The following CAMSAP1 variants were observed in gnomAD, a reference collection of about 807,000 sequenced individuals.
The protein encoded by CAMSAP1 is calmodulin-regulated spectrin-associated protein 1.
In CAMSAP1, 58 loss-of-function variants were observed where a neutral mutation model predicts 143.5. The observed-to-expected ratio is 0.40, with a 90% CI of 0.33 to 0.50. The LOEUF is 0.50. Among genes scored for constraint, CAMSAP1 ranks in the 20% least tolerant of loss-of-function variants. The pLI, the probability that CAMSAP1 is intolerant of heterozygous loss-of-function variation, is 0.45. For missense variants in CAMSAP1, 1,969 were observed against 2,115.7 expected (o/e 0.93, Z 1.36); for synonymous variants, 945 against 859.3 (o/e 1.10, Z -1.74).
intron 3 of CAMSAP1, among the ~76,000 whole-genome samples, chr9:135,868,603 T>C (rs533370763): frequency 1.3e-5 from 2 of 149,024 alleles, no homozygotes; most frequent in South Asian, 4.3e-4. Context: ...TCTGATGAGA[T>C]TGGCAATTTT....
In CAMSAP1 at chr9:135,874,488, G is replaced by GT. The variant is rs912002527; in HGVS notation, c.585+7144_585+7145insA. On this transcript the variant is annotated intron_variant, in intron 3 of 16. Coordinates refer to ENST00000389532, the MANE Select transcript of CAMSAP1 (RefSeq NM_015447.4). Reference sequence around the variant, plus strand: ...ACCCTGTCTCAAAAAAGGGGGGGGGGGGCCACAGGGGCCGGGAACTCCTAA... The same window carrying GT: ...ACCCTGTCTCAAAAAAGGGGGGGGGGTGGCCACAGGGGCCGGGAACTCCTAA... 1.4e-5 allele frequency among the ~76,000 whole-genome samples: 2 copies of GT among 147,154 alleles called. 1 individual carries two copies. The highest frequency in any genetic ancestry group is 5.0e-5 in the African/African-American group (2 of 39,766).
At position 135,820,809 on chromosome 9, in the gene CAMSAP1, T is replaced by C; in HGVS notation, c.3822+30A>G. 1 of 1,604,208 alleles carries C rather than the reference T, an allele frequency of 6.2e-7. No individual in the cohort carries two copies. The highest frequency in any genetic ancestry group is 8.5e-7 in the Non-Finnish European group (1 of 1,176,380). On this transcript the variant is annotated intron_variant, in intron 11 of 16. Coordinates refer to ENST00000389532, the MANE Select transcript of CAMSAP1 (RefSeq NM_015447.4). This position sits in a 1 kb window ranked among gnomAD's most constrained non-coding sequence, Gnocchi z 4.4. ...ACGTGGGGTGGCAACACATCACGAG[T>C]GCCTGAAACAGATGCTACCAATCCC...
intron 5 of CAMSAP1, among the ~76,000 whole-genome samples, chr9:135,854,995 C>A (rs1441270225): frequency 1.3e-5 from 2 of 151,842 alleles, no homozygotes. Context: ...CATTTAGCTC[C>A]CACTTTTTTT....
chr9:135,876,299 C>T (rs12342137), intron 3 of CAMSAP1, among the ~76,000 whole-genome samples: 4,301 of 152,174 alleles, frequency 0.028, 188 homozygotes, highest in African/African-American at 0.098. Context: ...AAAAGGTGGC[C>T]GGCCTGGGAG....
intron 5 of CAMSAP1, 47 bp downstream of exon 5, chr9:135,862,415 ATTTTC>A (rs1837232338): frequency 6.5e-7 from 1 of 1,536,704 alleles, no homozygotes. Flanking sequence ...GTACACTATA[ATTTTC>A]CTTTAAGCCT....
rs1835605861 is a variant in CAMSAP1 at position 135,824,618 on chromosome 9, TCGCGC to T, written c.1315+166_1315+170del. Among the ~76,000 whole-genome samples the T allele has an allele frequency of 6.6e-6, 1 of 152,094 alleles. No individual in the cohort carries two copies. The highest frequency in any genetic ancestry group is 2.4e-5 in the African/African-American group (1 of 41,410). On this transcript the variant is annotated intron_variant, in intron 9 of 16. Coordinates refer to ENST00000389532, the MANE Select transcript of CAMSAP1 (RefSeq NM_015447.4). This position sits in a 1 kb window ranked among gnomAD's most constrained non-coding sequence, Gnocchi z 4.1. ...AGTCAGAGGCTGCAGTGAGCCGAGA[TCGCGC>T]CACAGCACTTCAGCCTGGTGACAGA...
rs1834924869 is a variant in CAMSAP1 at position 135,808,531 on chromosome 9, C to G, written c.*2778G>C. On this transcript the variant is annotated 3_prime_UTR_variant, in exon 17 of 17. Transcript: ENST00000389532. ...TTTATTTCAATAAATATTTTGCCCT[C>G]CAAGTGACAACTACAATTTCAGGGA... 1 of 152,234 alleles carries G rather than the reference C, an allele frequency of 6.6e-6. No homozygotes were observed. Among genetic ancestry groups the G allele is most frequent in the African/African-American group, 2.4e-5 (1 of 41,446 alleles). The allele number at this position is 152,234 out of a possible 1,614,324, so 9.4% of individuals were successfully genotyped here.
intron 1 of CAMSAP1, among the ~76,000 whole-genome samples, chr9:135,901,580 A>C (rs62585191): frequency 0.14 from 21,151 of 151,854 alleles, 1,656 homozygotes; most frequent in Non-Finnish European, 0.17. Flanking sequence ...ATGCCACTGT[A>C]CTCCAGCCTG....
At chr9:135,834,086 T>C (rs1468660699) in intron 7 of CAMSAP1, among the ~76,000 whole-genome samples, 1 of 151,458 alleles carries the variant, frequency 6.6e-6, no homozygotes, top group Non-Finnish European at 1.5e-5. Flanking sequence ...CATCAGGGAG[T>C]GCAAATCAAA....
chr9:135,869,505 A>AT (rs1564449850), intron 3 of CAMSAP1, among the ~76,000 whole-genome samples: 25 of 146,316 alleles, frequency 1.7e-4, no homozygotes, highest in African/African-American at 5.8e-4. Context: ...TCAGTCTCAA[A>AT]CAAAAAAAAA....
intron 3 of CAMSAP1, among the ~76,000 whole-genome samples, chr9:135,872,043 T>C (rs1448954050): frequency 6.6e-6 from 1 of 151,542 alleles, no homozygotes; most frequent in East Asian, 1.9e-4. Context: ...GAGGCTGCAG[T>C]GAACCGAGAT....
chr9:135,838,030 AC>A (rs1564431547), intron 7 of CAMSAP1, among the ~76,000 whole-genome samples: 1 of 139,474 alleles, frequency 7.2e-6, no homozygotes, highest in Non-Finnish European at 1.5e-5. Flanking sequence ...CGCACTTTCT[AC>A]CCCCTGTACA....
chr9:135,892,867 A>AAAAAAAAAAAAAAAAAAAAAAAC (rs1554800261), intron 1 of CAMSAP1, among the ~76,000 whole-genome samples: 1 of 147,750 alleles, frequency 6.8e-6, no homozygotes, highest in Non-Finnish European at 1.5e-5. Context: ...AAAAAAAAAA[A>AAAAAAAAAAAAAAAAAAAAAAAC]GAACTAATCA....
intron 7 of CAMSAP1, chr9:135,836,754 G>A (rs1186961505): frequency 1.0e-6 from 1 of 961,320 alleles, no homozygotes; most frequent in East Asian, 1.3e-4. Flanking sequence ...GCCACACATT[G>A]TCACGTACCT....
rs770345894 is a variant in CAMSAP1, at chr9:135,815,982, G to A, written c.4295C>T (p.Pro1432Leu). 1.2e-6 allele frequency: 2 copies of A among 1,613,642 alleles called. No homozygotes were observed. The highest frequency in any genetic ancestry group is 4.5e-5 in the East Asian group (2 of 44,894). The change falls in exon 15 of 17, where the codon CCC becomes CTC. Residue 1432 changes from proline to leucine, a missense_variant. Physicochemically the swap from Pro to Leu is moderately conservative, Grantham distance 98. Coordinates refer to ENST00000389532, the MANE Select transcript of CAMSAP1 (RefSeq NM_015447.4). ...SQRVESMEALPILSRNPSRST... is the reference protein window; with the variant it reads ...SQRVESMEALLILSRNPSRST... ...CCTGCTTGGGTTACGGCTCAGTATG[G>A]GCAGGGCTTCCATCGATTCCACTCT...
intron 3 of CAMSAP1, among the ~76,000 whole-genome samples, chr9:135,875,305 G>A (rs773458946): frequency 4.0e-5 from 6 of 151,888 alleles, no homozygotes; most frequent in Non-Finnish European, 7.4e-5. Context: ...TGCTTCCCAG[G>A]TTCAAGCAAT....
At chr9:135,864,950 A>G (rs1190453099) in intron 4 of CAMSAP1, among the ~76,000 whole-genome samples, 1 of 152,204 alleles carries the variant, frequency 6.6e-6, no homozygotes, top group African/African-American at 2.4e-5. Context: ...GGCTCCTAAC[A>G]GATGTCACAT....
chr9:135,823,954 T>C lies in CAMSAP1; in HGVS notation c.1396A>G (p.Thr466Ala). The C allele has an allele frequency of 6.4e-7, 1 of 1,569,666 alleles. No individual in the cohort carries two copies. Among genetic ancestry groups the C allele is most frequent in the Non-Finnish European group, 8.7e-7 (1 of 1,154,802 alleles). ...ACTGCTGAAACACAGACTCACCTGG[T>C]TTTTTTTTCTGGCCAGGCTATTGCT... ...GAAIAWPEKK[T>A]RPASQPTPFA... is the part of the protein sequence containing the mutation. Residue 466 changes from threonine to alanine, a missense_variant, in exon 10 of 17, where the codon ACC becomes GCC. Physicochemically the swap from Thr to Ala is moderately conservative, Grantham distance 58. Around this residue, in one of 4 missense-constraint regions of CAMSAP1, gnomAD observed 1,390 missense variants for 1,420.8 expected, o/e 0.98. Transcript: ENST00000389532.
intron 4 of CAMSAP1, 75 bp downstream of exon 4, chr9:135,866,381 G>A: frequency 1.3e-6 from 1 of 759,064 alleles, no homozygotes; most frequent in Non-Finnish European, 2.3e-6. Flanking sequence ...CAAATAGTGG[G>A]AACTAACAGA....
Sources: allele counts gnomAD v4.1 joint callset (sites outside exome capture counted in the v4.1 genomes callset), GRCh38; gene constraint gnomAD v4.1.1; regional missense constraint gnomAD v4.1.1; non-coding constraint Gnocchi (gnomAD v3.1); transcripts MANE v1.5; gene names NCBI Gene and HGNC (gene_info 2026-07-23, HGNC 2026-07-21).